The following HLCS variants were observed in gnomAD, a reference collection of about 807,000 sequenced individuals.
HLCS encodes the protein biotin--protein ligase.
A neutral mutation model predicts 75.0 loss-of-function variants in HLCS; 53 were observed. The ratio of observed to expected loss-of-function variants is 0.71; its 90% CI spans 0.57 to 0.89. HLCS has a LOEUF of 0.89. Ranked by LOEUF, HLCS falls within the 40% of genes least tolerant of loss-of-function variation. The pLI is 0.00. For missense variants in HLCS, 966 were observed against 1,074.0 expected (o/e 0.90, Z 1.41); for synonymous variants, 431 against 428.6 (o/e 1.01, Z -0.07).
chr21:36,974,389 C>G (rs1315783316), intron 1 of HLCS: 2 of 152,276 alleles, frequency 1.3e-5, no homozygotes, highest in East Asian at 3.9e-4. Flanking sequence ...CTAAGACAAA[C>G]AGGCCACAGC....
intron 6 of HLCS, among the ~76,000 whole-genome samples, chr21:36,839,369 T>C (rs905703172): frequency 7.2e-6 from 1 of 139,728 alleles, no homozygotes; most frequent in Non-Finnish European, 1.6e-5. Flanking sequence ...GGAGGTAGCC[T>C]GGGAAGAGGC....
chr21:36,794,439 T>A (rs1447639637), intron 6 of HLCS, among the ~76,000 whole-genome samples: 5 of 152,180 alleles, frequency 3.3e-5, no homozygotes, highest in Admixed American at 2.6e-4. Flanking sequence ...AGAGGACTAT[T>A]CCAGGCAGAG....
chr21:36,869,093 G>GT (rs1433683117), intron 6 of HLCS, among the ~76,000 whole-genome samples: 5 of 128,222 alleles, frequency 3.9e-5, no homozygotes, highest in Non-Finnish European at 8.4e-5. Flanking sequence ...AGCAAAAGAT[G>GT]TTTAATTTAT....
At chr21:36,818,632 C>T (rs577362015) in intron 6 of HLCS, among the ~76,000 whole-genome samples, 1 of 152,278 alleles carries the variant, frequency 6.6e-6, no homozygotes, top group African/African-American at 2.4e-5. Context: ...GGATGTGTTT[C>T]CCCAGCATTA....
intron 4 of HLCS, 108 bp downstream of exon 4, chr21:36,936,341 G>T: frequency 2.0e-6 from 2 of 988,802 alleles, no homozygotes; most frequent in Non-Finnish European, 3.2e-6. Flanking sequence ...ACAGCCCGCA[G>T]CACACGAACT....
chr21:36,760,326 A>G (rs1012686545), intron 8 of HLCS, among the ~76,000 whole-genome samples: 1 of 152,124 alleles, frequency 6.6e-6, no homozygotes, highest in African/African-American at 2.4e-5. Flanking sequence ...AGTAGCAGGC[A>G]GTGGCCAGGC....
At chr21:36,989,978 G>A (rs1443486199) in intron 1 of HLCS, among the ~76,000 whole-genome samples, 4 of 152,058 alleles carry the variant, frequency 2.6e-5, no homozygotes, top group Non-Finnish European at 5.9e-5. Flanking sequence ...CGGAAGCCCC[G>A]CCCCCTTCTG....
At chr21:36,789,646 GAC>G (rs1414806385) in intron 6 of HLCS, among the ~76,000 whole-genome samples, 1 of 152,124 alleles carries the variant, frequency 6.6e-6, no homozygotes, top group African/African-American at 2.4e-5. Flanking sequence ...GAGTAATCCC[GAC>G]AGTCTGGAAA....
chr21:36,869,459 T>C (rs2063697727), intron 6 of HLCS, among the ~76,000 whole-genome samples: 1 of 152,190 alleles, frequency 6.6e-6, no homozygotes, highest in Non-Finnish European at 1.5e-5. Context: ...TAGATGAGTT[T>C]CTTTCCCCAT....
At chr21:36,893,724 C>T (rs916974593) in intron 6 of HLCS, among the ~76,000 whole-genome samples, 1 of 152,174 alleles carries the variant, frequency 6.6e-6, no homozygotes, top group Non-Finnish European at 1.5e-5. Flanking sequence ...TGACAGGGGG[C>T]GGGGCTCAGC....
At position 36,765,189 on chromosome 21, in the gene HLCS, A is replaced by G. The variant is rs1436737986; in HGVS notation, c.1961-17T>C. The stretch of plus-strand genomic sequence containing the variant: ...CTCCCCGTCCTGGAACACAGGCCAC[A>G]GTGGGAAACATGCTACCTTGCCACG... On this transcript the variant is annotated splice_polypyrimidine_tract_variant and intron_variant, in intron 7 of 10. Transcript: ENST00000674895. The G allele has an allele frequency of 6.2e-7, 1 of 1,614,010 alleles. No homozygotes were observed. The highest frequency in any genetic ancestry group is 1.3e-5 in the African/African-American group (1 of 74,954).
chr21:36,816,867 T>A (rs2061679763), intron 6 of HLCS, among the ~76,000 whole-genome samples: 1 of 152,228 alleles, frequency 6.6e-6, no homozygotes, highest in Non-Finnish European at 1.5e-5. Flanking sequence ...AAAAATTTCC[T>A]TTCCCATGAC....
At chr21:36,785,421 C>T (rs937641607) in intron 6 of HLCS, among the ~76,000 whole-genome samples, 1 of 152,132 alleles carries the variant, frequency 6.6e-6, no homozygotes, top group Non-Finnish European at 1.5e-5. Flanking sequence ...CATCCCTTGC[C>T]CCCAATTCCA....
chr21:36,803,867 A>G (rs138155022), intron 6 of HLCS: 2 of 152,218 alleles, frequency 1.3e-5, no homozygotes, highest in African/African-American at 2.4e-5. Context: ...CAATTTCCCC[A>G]TCAGGAACAA....
intron 6 of HLCS, among the ~76,000 whole-genome samples, chr21:36,866,518 G>T (rs2063561745): frequency 6.6e-6 from 1 of 152,162 alleles, no homozygotes; most frequent in Admixed American, 6.6e-5. Flanking sequence ...ATAAGCTGTT[G>T]CGAGTGCATT....
chr21:36,828,120 C>T (rs766190765), intron 6 of HLCS, among the ~76,000 whole-genome samples: 9 of 151,858 alleles, frequency 5.9e-5, no homozygotes, highest in Non-Finnish European at 1.0e-4. Context: ...GCCTCAGTGG[C>T]GAGTATTTTT....
chr21:36,913,349 A>T (rs1232232673), intron 5 of HLCS, among the ~76,000 whole-genome samples: 1 of 152,196 alleles, frequency 6.6e-6, no homozygotes, highest in Non-Finnish European at 1.5e-5. Flanking sequence ...TCACAAAGAT[A>T]TAAACTCAAT....
intron 6 of HLCS, among the ~76,000 whole-genome samples, chr21:36,858,559 A>G (rs552730422): frequency 6.6e-6 from 1 of 152,380 alleles, no homozygotes; most frequent in South Asian, 2.1e-4. Context: ...CCAGGGATAC[A>G]GCAGTGAGCA....
At chr21:36,819,988 GCACT>G (rs1394972088) in intron 6 of HLCS, among the ~76,000 whole-genome samples, 1 of 152,208 alleles carries the variant, frequency 6.6e-6, no homozygotes, top group Non-Finnish European at 1.5e-5. Flanking sequence ...CAGATAAAGT[GCACT>G]CACAGGGCAG....
Sources: gnomAD v4.1 joint callset for allele counts (sites outside exome capture counted in the v4.1 genomes callset) on GRCh38, gnomAD v4.1.1 for gene constraint, MANE v1.5 for transcripts, NCBI Gene and HGNC (gene_info 2026-07-23, HGNC 2026-07-21) for gene names.